Variants in INPP4A observed in about 807,000 individuals in gnomAD.
INPP4A encodes inositol polyphosphate-4-phosphatase, type I, 107kD.
Under a neutral mutation model 119.8 loss-of-function variants are expected in INPP4A, and 33 were observed. That is an observed-to-expected ratio of 0.28 (90% CI 0.21 to 0.37). The LOEUF is 0.37. INPP4A is among the 10% of genes least tolerant of loss of function. The probability of loss-of-function intolerance (pLI) is 1.00; values close to 1 mark genes in which losing one functional copy is unlikely to be tolerated. For synonymous variants in INPP4A, 496 were observed against 500.7 expected (o/e 0.99, Z 0.12); for missense variants, 956 against 1,289.9 (o/e 0.74, Z 3.97).
chr2:98,548,244 C>G (rs943625134), intron 13 of INPP4A, among the ~76,000 whole-genome samples: 33 of 152,200 alleles, frequency 2.2e-4, no homozygotes, highest in African/African-American at 7.5e-4. Flanking sequence ...AAGGGGAATT[C>G]AGGCCCCCAG....
At chr2:98,530,817 T>C (rs747751970) in intron 4 of INPP4A, among the ~76,000 whole-genome samples, 4 of 152,230 alleles carry the variant, frequency 2.6e-5, no homozygotes, top group Non-Finnish European at 4.4e-5. Flanking sequence ...ATAACTGTTA[T>C]TGACTATATG....
At chr2:98,477,300 A>G (rs1315733909) in intron 1 of INPP4A, among the ~76,000 whole-genome samples, 1 of 152,152 alleles carries the variant, frequency 6.6e-6, no homozygotes, top group African/African-American at 2.4e-5. Flanking sequence ...CGTCTCCCTG[A>G]GCTGCCTGCT....
At chr2:98,565,885 A>G in intron 20 of INPP4A, 119 bp downstream of exon 20, 1 of 1,517,440 alleles carries the variant, frequency 6.6e-7, no homozygotes, top group Non-Finnish European at 9.0e-7. Context: ...CTCTGATTAC[A>G]GCCCCCTAGG....
At chr2:98,509,254 T>A (rs1684678338) in intron 1 of INPP4A, among the ~76,000 whole-genome samples, 1 of 152,216 alleles carries the variant, frequency 6.6e-6, no homozygotes, top group South Asian at 2.1e-4. Flanking sequence ...GCCTGTGGCC[T>A]GTTAGGAACT....
chr2:98,525,329 T>G (rs1687996980), intron 4 of INPP4A, among the ~76,000 whole-genome samples: 1 of 152,192 alleles, frequency 6.6e-6, no homozygotes, highest in Non-Finnish European at 1.5e-5. Flanking sequence ...TGATTCACCC[T>G]AAGGCCTTCC....
chr2:98,481,195 A>G (rs898285697), intron 1 of INPP4A, among the ~76,000 whole-genome samples: 6 of 152,158 alleles, frequency 3.9e-5, no homozygotes, highest in African/African-American at 1.4e-4. Context: ...CTCAAGGTGG[A>G]GGGTGTCACC....
At chr2:98,520,195 T>C in intron 3 of INPP4A, 41 bp downstream of exon 3, 1 of 1,424,078 alleles carries the variant, frequency 7.0e-7, no homozygotes, top group Non-Finnish European at 9.7e-7. Context: ...AGGTATGAGC[T>C]CACAGCACCT....
intron 19 of INPP4A, among the ~76,000 whole-genome samples, chr2:98,564,980 G>A (rs976818568): frequency 3.9e-5 from 6 of 152,262 alleles, no homozygotes; most frequent in Non-Finnish European, 2.9e-5. Context: ...TACTTAACCA[G>A]TAACTTCCTG....
intron 17 of INPP4A, among the ~76,000 whole-genome samples, chr2:98,561,011 C>T (rs572692340): frequency 6.6e-6 from 1 of 152,260 alleles, no homozygotes; most frequent in Admixed American, 6.5e-5. Context: ...ATGGTCCTTG[C>T]AAGGAGTTCT....
chr2:98,532,848 C>T (rs1689495841), intron 4 of INPP4A, among the ~76,000 whole-genome samples: 1 of 151,994 alleles, frequency 6.6e-6, no homozygotes, highest in South Asian at 2.1e-4. Flanking sequence ...TGAACAATGG[C>T]TCACTTAAGA....
intron 1 of INPP4A, among the ~76,000 whole-genome samples, chr2:98,512,500 C>A (rs1001248849): frequency 6.6e-6 from 1 of 152,198 alleles, no homozygotes; most frequent in Non-Finnish European, 1.5e-5. Context: ...GCTGGGAAGT[C>A]CTGGAGCATG....
intron 1 of INPP4A, among the ~76,000 whole-genome samples, chr2:98,501,521 G>A (rs1233354184): frequency 1.3e-5 from 2 of 151,840 alleles, no homozygotes; most frequent in African/African-American, 4.9e-5. Flanking sequence ...GAATGTTGAG[G>A]TCAAGAACCC....
intron 1 of INPP4A, among the ~76,000 whole-genome samples, chr2:98,447,532 A>G (rs1286601721): frequency 6.6e-6 from 1 of 152,018 alleles, no homozygotes; most frequent in Non-Finnish European, 1.5e-5. Flanking sequence ...ATTCATATGC[A>G]CATGTTATTC....
Position 98,591,241 on chromosome 2 carries a change from G to A in INPP4A, c.*3633G>A, listed in dbSNP as rs958931294. 1 of 172,358 alleles carries A rather than the reference G, an allele frequency of 5.8e-6. No homozygotes were observed. The allele number at this position is 172,358 out of a possible 1,614,324, so 10.7% of individuals were successfully genotyped here. On this transcript the variant is annotated 3_prime_UTR_variant, in exon 25 of 25. Transcript: ENST00000409851. ...CATGGTGGTGTGGCTGCGTGCCCAC[G>A]ACGAGGGGCTGGACTAAAGTGCTCA...
rs1692569417 is a variant in INPP4A, at chr2:98,546,858, T to A, written c.1163+164T>A. Among the ~76,000 whole-genome samples, 1 of 152,214 alleles carries A rather than the reference T, an allele frequency of 6.6e-6. No individual in the cohort carries two copies. Among genetic ancestry groups the A allele is most frequent in the Non-Finnish European group, 1.5e-5 (1 of 68,036 alleles). On this transcript the variant is annotated intron_variant, in intron 13 of 24. Coordinates refer to ENST00000409851, the MANE Select transcript of INPP4A (RefSeq NM_001134225.2). The surrounding 1 kb of genome is among the most constrained non-coding windows in gnomAD (Gnocchi z 4.2). ...TGGAGCCTGTGCTGCTCTGTTTATG[T>A]GTGACTGAGCTGGGTGGGTGATGAG...
intron 1 of INPP4A, among the ~76,000 whole-genome samples, chr2:98,473,136 G>A (rs1676424152): frequency 6.6e-6 from 1 of 150,694 alleles, no homozygotes; most frequent in Non-Finnish European, 1.5e-5. Flanking sequence ...TGTGGGTGCA[G>A]TGAAGAGTGT....
At chr2:98,481,417 C>G (rs987130396) in intron 1 of INPP4A, among the ~76,000 whole-genome samples, 2 of 152,194 alleles carry the variant, frequency 1.3e-5, no homozygotes, top group African/African-American at 4.8e-5. Flanking sequence ...CAGCCAGAAC[C>G]CTCGCTCCTC....
At chr2:98,467,339 G>A (rs1349396447) in intron 1 of INPP4A, among the ~76,000 whole-genome samples, 1 of 152,168 alleles carries the variant, frequency 6.6e-6, no homozygotes, top group Non-Finnish European at 1.5e-5. Flanking sequence ...GTTTGGAGGG[G>A]ACAAACATTG....
intron 16 of INPP4A, 83 bp from the exon 17 acceptor site, chr2:98,559,380 A>G: frequency 6.6e-7 from 1 of 1,506,154 alleles, no homozygotes; most frequent in Non-Finnish European, 9.2e-7. Context: ...CTGCTGACGC[A>G]GCTGCTGCTC....
Sources: gnomAD v4.1 joint callset for allele counts (sites outside exome capture counted in the v4.1 genomes callset) on GRCh38, gnomAD v4.1.1 for gene constraint, Gnocchi (gnomAD v3.1) non-coding constraint, MANE v1.5 for transcripts, NCBI Gene and HGNC (gene_info 2026-07-23, HGNC 2026-07-21) for gene names.